Variants in TNR observed in about 807,000 individuals in gnomAD.
TNR encodes tenascin R.
A neutral mutation model predicts 150.4 loss-of-function variants in TNR; 45 were observed. The ratio of observed to expected loss-of-function variants is 0.30; its 90% confidence interval spans 0.24 to 0.38. The LOEUF is 0.38. Among genes scored for constraint, TNR ranks in the 10% least tolerant of loss-of-function variants. The pLI is 1.00. For synonymous variants in TNR, 687 were observed against 678.4 expected (o/e 1.01, Z -0.20); for missense variants, 1,544 against 1,759.1 (o/e 0.88, Z 2.19).
intron 18 of TNR, among the ~76,000 whole-genome samples, chr1:175,342,439 T>C (rs1363124599): frequency 3.9e-5 from 6 of 152,058 alleles, no homozygotes; most frequent in Non-Finnish European, 8.8e-5. Flanking sequence ...AGAGCAAGAA[T>C]TGGGTGGGAT....
intron 2 of TNR, among the ~76,000 whole-genome samples, chr1:175,424,252 A>T (rs1444192455): frequency 6.6e-6 from 1 of 152,192 alleles, no homozygotes; most frequent in East Asian, 1.9e-4. Flanking sequence ...CCCAGAAGAC[A>T]GGTCTAAGGT....
At chr1:175,338,233 G>A (rs1650342094) in intron 18 of TNR, among the ~76,000 whole-genome samples, 1 of 152,168 alleles carries the variant, frequency 6.6e-6, no homozygotes, top group Non-Finnish European at 1.5e-5. Flanking sequence ...TCTATTCCTT[G>A]TACAAAATAC....
chr1:175,640,279 T>C (rs1168631862), intron 1 of TNR, among the ~76,000 whole-genome samples: 3 of 152,234 alleles, frequency 2.0e-5, no homozygotes, highest in Non-Finnish European at 4.4e-5. Context: ...TTCCTCTATA[T>C]GGCCTGTGTG....
intron 10 of TNR, 140 bp from the exon 11 acceptor site, chr1:175,366,278 T>C (rs1219171796): frequency 1.1e-6 from 1 of 882,560 alleles, no homozygotes; most frequent in Non-Finnish European, 1.6e-6. Flanking sequence ...ACTTATCTAA[T>C]ATTTTGCTAA....
At chr1:175,402,360 A>ATT (rs1380497950) in intron 4 of TNR, among the ~76,000 whole-genome samples, 1 of 146,290 alleles carries the variant, frequency 6.8e-6, no homozygotes, top group Non-Finnish European at 1.5e-5. Context: ...CCAATGAGAT[A>ATT]CTTTTTTTTT....
chr1:175,431,656 T>C (rs1387432534), intron 2 of TNR, among the ~76,000 whole-genome samples: 2 of 147,350 alleles, frequency 1.4e-5, no homozygotes, highest in African/African-American at 2.5e-5. Flanking sequence ...TTTTTTGTAA[T>C]GGGGCCAGGC....
At chr1:175,590,897 T>C (rs1021965793) in intron 1 of TNR, among the ~76,000 whole-genome samples, 9 of 152,206 alleles carry the variant, frequency 5.9e-5, no homozygotes, top group African/African-American at 2.2e-4. Flanking sequence ...AGTCATAATA[T>C]GAGCGCTGAG....
chr1:175,393,705 G>T, intron 6 of TNR, 75 bp downstream of exon 6: 2 of 1,221,888 alleles, frequency 1.6e-6, no homozygotes, highest in Non-Finnish European at 2.4e-6. Flanking sequence ...CACTTTCCTT[G>T]CTGCCCCTGA....
chr1:175,741,146 G>C (rs193235624), intron 1 of TNR, among the ~76,000 whole-genome samples: 1 of 152,352 alleles, frequency 6.6e-6, no homozygotes, highest in East Asian at 1.9e-4. Flanking sequence ...TTGGCTGCAA[G>C]TCTATCCAAT....
Position 175,379,825 on chromosome 1 carries a change from G to A in TNR, c.1778-88C>T, listed in dbSNP as rs1652590889. On this transcript the variant is annotated intron_variant, in intron 8 of 22. Coordinates refer to ENST00000367674, the MANE Select transcript of TNR (RefSeq NM_003285.3). ...CTTGAACTCTGAAAAGATTGGTGGT[G>A]ACAGCCCACACCCCCTGACCCTCTG... The A allele has an allele frequency of 4.2e-6, 6 of 1,424,250 alleles. No individual in the cohort carries two copies. The East Asian group carries it at 1.2e-4, about 29-fold the overall frequency. 88.2% of individuals were successfully genotyped at this position (1,424,250 alleles called of 1,614,324 possible).
At chr1:175,654,156 A>G (rs146998402) in intron 1 of TNR, among the ~76,000 whole-genome samples, 8 of 152,302 alleles carry the variant, frequency 5.3e-5, no homozygotes, top group Admixed American at 2.0e-4. Flanking sequence ...TATTTCTGCA[A>G]ATATCCTCTC....
chr1:175,412,995 C>A (rs1417391392), intron 2 of TNR, among the ~76,000 whole-genome samples: 1 of 152,168 alleles, frequency 6.6e-6, no homozygotes, highest in Non-Finnish European at 1.5e-5. Context: ...GCAAAGAATG[C>A]TGACTGTTCT....
chr1:175,686,729 A>T (rs1666212490), intron 1 of TNR, among the ~76,000 whole-genome samples: 1 of 152,148 alleles, frequency 6.6e-6, no homozygotes, highest in African/African-American at 2.4e-5. Context: ...CTTATAAGTG[A>T]GAACATGTGG....
intron 14 of TNR, 112 bp downstream of exon 14, chr1:175,362,551 G>A: frequency 7.3e-7 from 1 of 1,362,280 alleles, no homozygotes; most frequent in Admixed American, 2.1e-5. Context: ...GTGAGTTGGA[G>A]GAGCACCCCG....
intron 1 of TNR, among the ~76,000 whole-genome samples, chr1:175,663,038 C>T (rs2101897868): frequency 6.6e-6 from 1 of 152,306 alleles, no homozygotes; most frequent in African/African-American, 2.4e-5. Context: ...CATGTAACAT[C>T]CTCAGCATAG....
rs1303963915 is a variant in TNR at position 175,488,959 on chromosome 1, T to C, written c.-64+39310A>G. ...AGGACAAAGGCATGTTCAGAATTTA[T>C]GGGTTTTGAATCTGCAAGTGAATTT... On this transcript the variant is annotated intron_variant, in intron 2 of 22. Coordinates refer to ENST00000367674, the MANE Select transcript of TNR (RefSeq NM_003285.3). Among the ~76,000 whole-genome samples, 4 of 152,202 alleles carry C rather than the reference T, an allele frequency of 2.6e-5. No homozygotes were observed. The East Asian group carries it at 7.7e-4, about 29-fold the overall frequency.
At chr1:175,623,633 G>A (rs1010335683) in intron 1 of TNR, among the ~76,000 whole-genome samples, 1 of 152,190 alleles carries the variant, frequency 6.6e-6, no homozygotes. Context: ...CCTTTCCATG[G>A]AACACCCTGT....
intron 1 of TNR, among the ~76,000 whole-genome samples, chr1:175,702,619 G>A (rs1388112493): frequency 6.6e-6 from 1 of 152,180 alleles, no homozygotes; most frequent in Non-Finnish European, 1.5e-5. Flanking sequence ...CACAGCAGGT[G>A]TGTGTGTGTA....
At chr1:175,515,670 A>C (rs1042269813) in intron 2 of TNR, among the ~76,000 whole-genome samples, 6 of 152,192 alleles carry the variant, frequency 3.9e-5, no homozygotes, top group Non-Finnish European at 7.3e-5. Context: ...GAGAACAGTG[A>C]AAATGGTTAG....
Sources: gnomAD v4.1 joint callset for allele counts (sites outside exome capture counted in the v4.1 genomes callset) on GRCh38, gnomAD v4.1.1 for gene constraint, MANE v1.5 for transcripts, NCBI Gene and HGNC (gene_info 2026-07-23, HGNC 2026-07-21) for gene names.